ZC2HC1B: variants seen among roughly 807,000 people sequenced by gnomAD.
The protein encoded by ZC2HC1B is zinc finger C2HC domain-containing protein 1B.
In ZC2HC1B, 36 loss-of-function variants were observed where a neutral mutation model predicts 31.0. The observed-to-expected ratio is 1.16, with a 90% CI of 0.89 to 1.54. The LOEUF is 1.54. Among genes scored for constraint, ZC2HC1B ranks in the 40% most tolerant of loss-of-function variants. The pLI, the probability that ZC2HC1B is intolerant of heterozygous loss-of-function variation, is 0.00. For missense variants in ZC2HC1B, 260 were observed against 268.6 expected (o/e 0.97, Z 0.22); for synonymous variants, 73 against 88.0 (o/e 0.83, Z 0.95).
rs900620380 is a variant in ZC2HC1B at position 143,899,136 on chromosome 6, G to A, written c.489+445G>A. On this transcript the variant is annotated intron_variant, in intron 5 of 7. Transcript: ENST00000237275. This position sits in a 1 kb window ranked among gnomAD's most constrained non-coding sequence, Gnocchi z 5.0. Reference sequence around the variant, plus strand: ...CCTTTTATTTAAAGTCACAGAATCAGCAAGTTAAAGGGATATGTGGATGAA... The same window carrying A: ...CCTTTTATTTAAAGTCACAGAATCAACAAGTTAAAGGGATATGTGGATGAA... 1.8e-4 allele frequency among the ~76,000 whole-genome samples: 27 copies of A among 152,172 alleles called. No homozygotes were observed. The highest frequency in any genetic ancestry group is 1.7e-3 in the Admixed American group (26 of 15,282).
intron 6 of ZC2HC1B, among the ~76,000 whole-genome samples, chr6:143,919,670 A>G (rs1408544544): frequency 6.6e-6 from 1 of 152,210 alleles, no homozygotes; most frequent in African/African-American, 2.4e-5. Context: ...CCCACAGGCC[A>G]TGTCCAGATT....
chr6:143,888,966 T>G (rs2128494228), intron 4 of ZC2HC1B, among the ~76,000 whole-genome samples: 1 of 152,182 alleles, frequency 6.6e-6, no homozygotes, highest in East Asian at 1.9e-4. Flanking sequence ...CCTTGTCTTG[T>G]GTTTTCCATT....
rs530163156 is a variant in ZC2HC1B, at chr6:143,937,915, T to C, written c.*14+182T>C. ...ATACAGTTTAAAGAGGATATTCAGTTTTTGATTCATGACTTAATAGGAAAG... is the reference window on the plus strand; with the variant it reads ...ATACAGTTTAAAGAGGATATTCAGTCTTTGATTCATGACTTAATAGGAAAG... On this transcript the variant is annotated intron_variant, in intron 7 of 7. Coordinates refer to ENST00000237275, the MANE Select transcript of ZC2HC1B (RefSeq NM_001013623.3). 9.8e-5 allele frequency among the ~76,000 whole-genome samples: 15 copies of C among 152,376 alleles called. No homozygotes were observed. In the South Asian group the frequency reaches 2.7e-3, roughly 27 times the overall value.
At chr6:143,932,682 G>A in intron 6 of ZC2HC1B, among the ~76,000 whole-genome samples, 1 of 152,170 alleles carries the variant, frequency 6.6e-6, no homozygotes, top group South Asian at 2.1e-4. Context: ...TTCTTGGTTT[G>A]GATCCATTGC....
chr6:143,925,918 T>C (rs1164181032), intron 6 of ZC2HC1B, among the ~76,000 whole-genome samples: 1 of 152,222 alleles, frequency 6.6e-6, no homozygotes, highest in Non-Finnish European at 1.5e-5. Context: ...TATAGTTCTT[T>C]ATAAGTCTCT....
rs73588620 is a variant in ZC2HC1B, at chr6:143,905,878, C to T, written c.598+2726C>T. Among the ~76,000 whole-genome samples, 6,503 of 152,140 alleles carry T rather than the reference C, an allele frequency of 0.043. 349 individuals carry two copies. The highest frequency in any genetic ancestry group is 0.12 in the African/African-American group (5,027 of 41,470). On this transcript the variant is annotated intron_variant, in intron 6 of 7. Transcript: ENST00000237275. The surrounding 1 kb of genome is among the most constrained non-coding windows in gnomAD (Gnocchi z 4.2). Reference sequence around the variant, plus strand: ...ATTGATCGATTTTCATGTGTTGAACCATCCCTGTATCCCAGGAACAAATCT... The same window carrying T: ...ATTGATCGATTTTCATGTGTTGAACTATCCCTGTATCCCAGGAACAAATCT...
rs1433877209 is a variant in ZC2HC1B at position 143,872,768 on chromosome 6, C to G, written c.28+8201C>G. On this transcript the variant is annotated intron_variant, in intron 1 of 7. Transcript: ENST00000237275. The surrounding 1 kb of genome is among the most constrained non-coding windows in gnomAD (Gnocchi z 5.5). Reference sequence around the variant, plus strand: ...TCCATCAGATCTCATGAGACTCAATCACTATCATAAGAATAGCATGGGAAA... The same window carrying G: ...TCCATCAGATCTCATGAGACTCAATGACTATCATAAGAATAGCATGGGAAA... Among the ~76,000 whole-genome samples, 1 of 152,126 alleles carries G rather than the reference C, an allele frequency of 6.6e-6. No homozygotes were observed. The highest frequency in any genetic ancestry group is 1.9e-4 in the East Asian group (1 of 5,194).
At position 143,903,448 on chromosome 6, in the gene ZC2HC1B, G is replaced by C. The variant is rs1007002864; in HGVS notation, c.598+296G>C. ...GAGATTGAAAATAGGAGAAGACCAC[G>C]TGTCATATGTTTGTGTTGAAAATAA... On this transcript the variant is annotated intron_variant, in intron 6 of 7. Transcript: ENST00000237275. This position sits in a 1 kb window ranked among gnomAD's most constrained non-coding sequence, Gnocchi z 4.3. Among the ~76,000 whole-genome samples, 11 of 152,144 alleles carry C rather than the reference G, an allele frequency of 7.2e-5. No individual in the cohort carries two copies. Among genetic ancestry groups the C allele is most frequent in the African/African-American group, 2.7e-4 (11 of 41,422 alleles).
intron 1 of ZC2HC1B, chr6:143,881,684 C>A (rs1326232362): frequency 6.6e-6 from 1 of 150,398 alleles, no homozygotes; most frequent in Non-Finnish European, 1.5e-5. Context: ...TCAAAAGGTT[C>A]TTTTAATGTT....
intron 6 of ZC2HC1B, among the ~76,000 whole-genome samples, chr6:143,920,737 G>A (rs935423963): frequency 3.3e-5 from 5 of 151,792 alleles, no homozygotes; most frequent in African/African-American, 4.8e-5. Flanking sequence ...GTGAAACCCC[G>A]TCTCTACTAA....
rs906126409 is a variant in ZC2HC1B at position 143,884,881 on chromosome 6, T to A, written c.90+516T>A. On this transcript the variant is annotated intron_variant, in intron 2 of 7. Coordinates refer to ENST00000237275, the MANE Select transcript of ZC2HC1B (RefSeq NM_001013623.3). The surrounding 1 kb of genome is among the most constrained non-coding windows in gnomAD (Gnocchi z 5.1). ...GAACAAAATGATACATGGATGTAAG[T>A]CCTGTTCCAAGATCTAATTGTTGTA... Among the ~76,000 whole-genome samples, 2 of 152,300 alleles carry A rather than the reference T, an allele frequency of 1.3e-5. No homozygotes were observed. Among genetic ancestry groups the A allele is most frequent in the Middle Eastern group, 3.4e-3 (1 of 294 alleles).
Position 143,937,626 on chromosome 6 carries a change from C to G in ZC2HC1B, c.599-23C>G, listed in dbSNP as rs753059363. 11 of 1,530,526 alleles carry G rather than the reference C, an allele frequency of 7.2e-6. No individual in the cohort carries two copies. The South Asian group carries it at 9.9e-5, about 14-fold the overall frequency. The allele number at this position is 1,530,526 out of a possible 1,614,324, so 94.8% of individuals were successfully genotyped here. A position where few individuals can be genotyped will look rare whatever the true frequency, so the allele number is the denominator to read the frequency against. ...GTAATGTTCTGCTTTGACATAATAA[C>G]AAATCTGTTTATGTTTGCAAAGGAT... is the stretch of plus-strand genomic sequence containing the variant. On this transcript the variant is annotated intron_variant, in intron 6 of 7. Transcript: ENST00000237275.
In ZC2HC1B at chr6:143,870,926, A is replaced by G. The variant is rs1285498354; in HGVS notation, c.28+6359A>G. Among the ~76,000 whole-genome samples the G allele has an allele frequency of 6.6e-6, 1 of 152,014 alleles. No individual in the cohort carries two copies. Among genetic ancestry groups the G allele is most frequent in the Non-Finnish European group, 1.5e-5 (1 of 67,998 alleles). ...AGAGCCTTCTCCTGTTCTGGACCCC[A>G]CTCAAAACTGGCAGCTTCAGGTCAC... is the stretch of plus-strand genomic sequence containing the variant. On this transcript the variant is annotated intron_variant, in intron 1 of 7. Coordinates refer to ENST00000237275, the MANE Select transcript of ZC2HC1B (RefSeq NM_001013623.3). The surrounding 1 kb of genome is among the most constrained non-coding windows in gnomAD (Gnocchi z 4.7).
chr6:143,903,879 A>T lies in ZC2HC1B; in HGVS notation c.598+727A>T, dbSNP rs2128495319. 6.6e-6 allele frequency among the ~76,000 whole-genome samples: 1 copy of T among 152,288 alleles called. No individual in the cohort carries two copies. Among genetic ancestry groups the T allele is most frequent in the East Asian group, 1.9e-4 (1 of 5,190 alleles). The stretch of plus-strand genomic sequence containing the variant: ...TATTAAAATTGTTGTATTATTTTTT[A>T]TTATTGGTACACTTGGGTTTTATTT... On this transcript the variant is annotated intron_variant, in intron 6 of 7. Coordinates refer to ENST00000237275, the MANE Select transcript of ZC2HC1B (RefSeq NM_001013623.3). This position sits in a 1 kb window ranked among gnomAD's most constrained non-coding sequence, Gnocchi z 4.3.
chr6:143,909,456 G>C (rs1777834303), intron 6 of ZC2HC1B, among the ~76,000 whole-genome samples: 1 of 150,394 alleles, frequency 6.6e-6, no homozygotes, highest in Non-Finnish European at 1.5e-5. Context: ...TTTTGGAATA[G>C]TTTCAGTAGA....
rs994101939 is a variant in ZC2HC1B, at chr6:143,869,519, A to T, written c.28+4952A>T. On this transcript the variant is annotated intron_variant, in intron 1 of 7. Transcript: ENST00000237275. The surrounding 1 kb of genome is among the most constrained non-coding windows in gnomAD (Gnocchi z 5.2). ...TGTAAAGAGAGGCAATGCTGTGTGG[A>T]ATACCATGACAGTGGATAAGGCATG... Among the ~76,000 whole-genome samples, 2 of 152,220 alleles carry T rather than the reference A, an allele frequency of 1.3e-5. No individual in the cohort carries two copies. Among genetic ancestry groups the T allele is most frequent in the Non-Finnish European group, 2.9e-5 (2 of 68,036 alleles).
chr6:143,932,823 T>C (rs1303738), intron 6 of ZC2HC1B, among the ~76,000 whole-genome samples: 1 of 152,146 alleles, frequency 6.6e-6, no homozygotes, highest in African/African-American at 2.4e-5. Context: ...CAAGGGCAGC[T>C]GTTCAGATTC....
intron 1 of ZC2HC1B, among the ~76,000 whole-genome samples, chr6:143,867,100 A>G (rs1777273653): frequency 6.6e-6 from 1 of 152,232 alleles, no homozygotes; most frequent in Non-Finnish European, 1.5e-5. Flanking sequence ...CTGTGTGTGT[A>G]AGGTGACATA....
rs1777516988 is a variant in ZC2HC1B at position 143,885,182 on chromosome 6, G to A, written c.90+817G>A. On this transcript the variant is annotated intron_variant, in intron 2 of 7. Transcript: ENST00000237275. The surrounding 1 kb of genome is among the most constrained non-coding windows in gnomAD (Gnocchi z 4.2). ...GGACAAAAGACTATAAAATGAGGTTGTAGGTTTTATTTTTCTGGAGAATTT... is the reference window on the plus strand; with the variant it reads ...GGACAAAAGACTATAAAATGAGGTTATAGGTTTTATTTTTCTGGAGAATTT... Among the ~76,000 whole-genome samples, 1 of 152,168 alleles carries A rather than the reference G, an allele frequency of 6.6e-6. No homozygotes were observed. Among genetic ancestry groups the A allele is most frequent in the East Asian group, 1.9e-4 (1 of 5,196 alleles).
Sources: allele counts gnomAD v4.1 joint callset (sites outside exome capture counted in the v4.1 genomes callset), GRCh38; gene constraint gnomAD v4.1.1; non-coding constraint Gnocchi (gnomAD v3.1); transcripts MANE v1.5; gene names NCBI Gene and HGNC (gene_info 2026-07-23, HGNC 2026-07-21).